MCTP1: variants seen among roughly 807,000 people sequenced by gnomAD.
The protein encoded by MCTP1 is multiple C2 and transmembrane domain containing 1.
Under a neutral mutation model 120.6 loss-of-function variants are expected in MCTP1, and 69 were observed. The ratio of observed to expected loss-of-function variants is 0.57; its 90% confidence interval spans 0.47 to 0.70. MCTP1 has a LOEUF of 0.70. Among genes scored for constraint, MCTP1 ranks in the 30% least tolerant of loss-of-function variants. The pLI is 0.00. For synonymous variants in MCTP1, 529 were observed against 493.1 expected (o/e 1.07, Z -0.96); for missense variants, 1,203 against 1,248.8 (o/e 0.96, Z 0.55).
chr5:95,017,415 C>T lies in MCTP1; in HGVS notation c.790G>A (p.Asp264Asn). 6.2e-7 allele frequency: 1 copy of T among 1,610,858 alleles called. No individual in the cohort carries two copies. Among genetic ancestry groups the T allele is most frequent in the Non-Finnish European group, 8.5e-7 (1 of 1,177,980 alleles). The change falls in exon 2 of 23, where the codon GAC (aspartate) becomes AAC (asparagine). Residue 264 changes from aspartate (D) to asparagine (N), a missense_variant. Around this residue, in one of 2 missense-constraint regions of MCTP1, gnomAD observed 740 missense variants for 871.1 expected, o/e 0.85. Transcript: ENST00000515393. ...CTTTGACCCCTTCTTAATGTAATGTCCAGCTGGTACATTCCGGGATCAGCC... is the reference window on the plus strand; with the variant it reads ...CTTTGACCCCTTCTTAATGTAATGTTCAGCTGGTACATTCCGGGATCAGCC... ...PLADPGMYQL[D>N]ITLRRGQSLA...
intron 1 of MCTP1, among the ~76,000 whole-genome samples, chr5:95,060,944 AAAAAAAAAAAG>A (rs1455054591): frequency 4.9e-4 from 72 of 147,674 alleles, no homozygotes; most frequent in African/African-American, 1.8e-3. Flanking sequence ...ACTCCACAAA[AAAAAAAAAAAG>A]AAAAGAAAAG....
intron 10 of MCTP1, among the ~76,000 whole-genome samples, chr5:94,906,060 C>G (rs1806813492): frequency 6.6e-6 from 1 of 152,180 alleles, no homozygotes; most frequent in Admixed American, 6.5e-5. Flanking sequence ...AGTACTGCTG[C>G]TGGGTCAGGT....
At chr5:95,179,676 G>C (rs971661728) in intron 1 of MCTP1, among the ~76,000 whole-genome samples, 2 of 152,112 alleles carry the variant, frequency 1.3e-5, no homozygotes, top group Admixed American at 1.3e-4. Context: ...CTGCTAAAAG[G>C]CGCTCTAAAT....
intron 2 of MCTP1, among the ~76,000 whole-genome samples, chr5:94,974,726 G>GA (rs917710207): frequency 1.3e-5 from 2 of 151,478 alleles, no homozygotes; most frequent in African/African-American, 4.8e-5. Flanking sequence ...ATATATGCAT[G>GA]AAAAAAATGA....
intron 1 of MCTP1, among the ~76,000 whole-genome samples, chr5:95,244,297 G>A (rs1756505065): frequency 6.6e-6 from 1 of 152,194 alleles, no homozygotes; most frequent in East Asian, 1.9e-4. Context: ...ATTTCCAACT[G>A]AGGTACCTGG....
chr5:95,168,918 G>C (rs1215953932), intron 1 of MCTP1, among the ~76,000 whole-genome samples: 2 of 152,062 alleles, frequency 1.3e-5, no homozygotes, highest in African/African-American at 2.4e-5. Context: ...GCCCTGGCCA[G>C]AACTTCCAAC....
chr5:95,097,378 G>A (rs533353542), intron 1 of MCTP1, among the ~76,000 whole-genome samples: 13 of 152,326 alleles, frequency 8.5e-5, no homozygotes, highest in African/African-American at 2.4e-4. Context: ...CGGATATGGC[G>A]AGAACCAGGG....
At chr5:94,885,455 C>G (rs159352) in intron 12 of MCTP1, among the ~76,000 whole-genome samples, 27,039 of 152,072 alleles carry the variant, frequency 0.18, 2,987 homozygotes, top group Non-Finnish European at 0.24. Flanking sequence ...GAAAGCCTCA[C>G]TCAATATAGG....
chr5:95,264,916 C>A (rs1175430924), intron 1 of MCTP1, among the ~76,000 whole-genome samples: 2 of 152,124 alleles, frequency 1.3e-5, no homozygotes, highest in Non-Finnish European at 2.9e-5. Flanking sequence ...AAGACAGAGA[C>A]CTGATGACTG....
At chr5:95,125,217 A>G (rs956135798) in intron 1 of MCTP1, among the ~76,000 whole-genome samples, 1 of 152,218 alleles carries the variant, frequency 6.6e-6, no homozygotes, top group Non-Finnish European at 1.5e-5. Context: ...CATTTGTTTA[A>G]TTGATGTTAG....
intron 14 of MCTP1, 101 bp from the exon 15 acceptor site, chr5:94,871,074 CA>C: frequency 1.1e-6 from 1 of 949,566 alleles, no homozygotes; most frequent in Non-Finnish European, 1.7e-6. Context: ...ACAGAGAACC[CA>C]AAACAACTGT....
intron 2 of MCTP1, among the ~76,000 whole-genome samples, chr5:94,974,725 TG>T (rs1309721473): frequency 6.6e-6 from 1 of 151,876 alleles, no homozygotes; most frequent in African/African-American, 2.4e-5. Context: ...AATATATGCA[TG>T]AAAAAAATGA....
intron 1 of MCTP1, among the ~76,000 whole-genome samples, chr5:95,167,936 T>C (rs1746649544): frequency 6.6e-6 from 1 of 152,204 alleles, no homozygotes; most frequent in African/African-American, 2.4e-5. Flanking sequence ...TTTGTTGCCA[T>C]TGCTTTTGGT....
chr5:95,069,687 T>C (rs1420663349), intron 1 of MCTP1, among the ~76,000 whole-genome samples: 1 of 142,674 alleles, frequency 7.0e-6, no homozygotes, highest in South Asian at 2.3e-4. Context: ...CAAAAACAAA[T>C]GACCCTTCTG....
intron 17 of MCTP1, among the ~76,000 whole-genome samples, chr5:94,847,682 G>GTGTGTATATATATATA (rs1169588105): frequency 9.8e-6 from 1 of 102,406 alleles, no homozygotes; most frequent in African/African-American, 3.8e-5. Flanking sequence ...GTGTGTGTGT[G>GTGTGTATATATATATA]TATATATATA....
At position 94,813,936 on chromosome 5, in the gene MCTP1, G is replaced by A. The variant is rs541919054; in HGVS notation, c.2437-14804C>T. On this transcript the variant is annotated intron_variant, in intron 17 of 22. Coordinates refer to ENST00000515393, the MANE Select transcript of MCTP1 (RefSeq NM_024717.7). ...CCACACTAAGTGAAAGAAGTCAGATGTAAAGGACATAGTGTATGATTCCAT... is the reference window on the plus strand; with the variant it reads ...CCACACTAAGTGAAAGAAGTCAGATATAAAGGACATAGTGTATGATTCCAT... 2.0e-5 allele frequency among the ~76,000 whole-genome samples: 3 copies of A among 152,304 alleles called. No individual in the cohort carries two copies. In the South Asian group the frequency reaches 6.2e-4, roughly 32 times the overall value.
chr5:95,000,543 T>G (rs1833469929), intron 2 of MCTP1, among the ~76,000 whole-genome samples: 1 of 152,164 alleles, frequency 6.6e-6, no homozygotes, highest in African/African-American at 2.4e-5. Context: ...ATGTGTGTGT[T>G]TGTGTCTTTG....
chr5:94,935,662 T>C (rs1056280591), intron 5 of MCTP1, among the ~76,000 whole-genome samples: 34 of 152,074 alleles, frequency 2.2e-4, no homozygotes, highest in African/African-American at 6.3e-4. Flanking sequence ...TGAACTAACA[T>C]CTTCAGTGCT....
Position 94,775,974 on chromosome 5 carries a change from T to C in MCTP1, c.2610+3136A>G, listed in dbSNP as rs145277732. Among the ~76,000 whole-genome samples the C allele has an allele frequency of 9.9e-3, 1,466 of 147,542 alleles. 27 individuals are homozygous for C. Among genetic ancestry groups the C allele is most frequent in the African/African-American group, 0.034 (1,387 of 40,750 alleles). On this transcript the variant is annotated intron_variant, in intron 19 of 22. Transcript: ENST00000515393. ...TAGAAATATATTTATATTATATATA[T>C]ATATATATTTAAAAAGCCATAATCT... is the stretch of plus-strand genomic sequence containing the variant.
Sources: gnomAD v4.1 joint callset for allele counts (sites outside exome capture counted in the v4.1 genomes callset) on GRCh38, gnomAD v4.1.1 for gene constraint, gnomAD v4.1.1 regional missense constraint, MANE v1.5 for transcripts, NCBI Gene and HGNC (gene_info 2026-07-23, HGNC 2026-07-21) for gene names.